ATG9A: variants seen among roughly 807,000 people sequenced by gnomAD.
ATG9A encodes autophagy-related protein 9A.
Under a neutral mutation model 87.1 loss-of-function variants are expected in ATG9A, and 21 were observed. The ratio of observed to expected loss-of-function variants is 0.24; its 90% confidence interval spans 0.17 to 0.35. The LOEUF (loss-of-function observed/expected upper bound fraction) is 0.35. ATG9A is among the 10% of genes least tolerant of loss of function. ATG9A has a pLI of 1.00. For synonymous variants in ATG9A, 422 were observed against 441.3 expected (o/e 0.96, Z 0.55); for missense variants, 836 against 1,107.3 (o/e 0.76, Z 3.48).
At position 219,219,499 on chromosome 2, in the gene ATG9A, A is replaced by C. The variant is rs1950709074; in HGVS notation, c.*948T>G. 1 of 152,724 alleles carries C rather than the reference A, an allele frequency of 6.5e-6. No homozygotes were observed. Among genetic ancestry groups the C allele is most frequent in the African/African-American group, 2.4e-5 (1 of 41,462 alleles). 9.5% of individuals were successfully genotyped at this position (152,724 alleles called of 1,614,324 possible). Reference sequence around the variant, plus strand: ...CCCAAAGCCGGACCACAGCTGGGTGAGGGGTGGGACAGAGAGTAGGAGCAG... The same window carrying C: ...CCCAAAGCCGGACCACAGCTGGGTGCGGGGTGGGACAGAGAGTAGGAGCAG... On this transcript the variant is annotated 3_prime_UTR_variant, in exon 16 of 16. Transcript: ENST00000361242.
intron 13 of ATG9A, 66 bp from the exon 14 acceptor site, chr2:219,221,368 A>G: frequency 7.0e-7 from 1 of 1,420,902 alleles, no homozygotes; most frequent in South Asian, 1.5e-5. Flanking sequence ...CTGCCCTCCA[A>G]CCTGGTATCA....
chr2:219,226,895 C>G lies in ATG9A; in HGVS notation c.186G>C (p.Met62Ile). 2 of 1,613,724 alleles carry G rather than the reference C, an allele frequency of 1.2e-6. No homozygotes were observed. Among genetic ancestry groups the G allele is most frequent in the Non-Finnish European group, 1.7e-6 (2 of 1,179,564 alleles). ...NLHQKNGFTC[M>I]LIGEIFELMQ... ...TGAGCTCAAAGATCTCCCCGATGAG[C>G]ATACATGTGAAGCCATTCTTCTGGT... Residue 62 changes from methionine to isoleucine, a missense_variant, in exon 5 of 16, where the codon ATG becomes ATC. Met to Ile is a conservative substitution (Grantham distance 10). Transcript: ENST00000361242.
At position 219,223,495 on chromosome 2, in the gene ATG9A, C is replaced by G; in HGVS notation, c.1599+90G>C. The G allele has an allele frequency of 7.0e-7, 1 of 1,423,674 alleles. No homozygotes were observed. The highest frequency in any genetic ancestry group is 9.4e-7 in the Non-Finnish European group (1 of 1,060,434). 88.2% of individuals were successfully genotyped at this position (1,423,674 alleles called of 1,614,324 possible). ...CTGGTATAGGACTGCCTTTGTGTGA[C>G]TCAGGAGAGGTGTCTTTTTGCGGTT... is the stretch of plus-strand genomic sequence containing the variant. On this transcript the variant is annotated intron_variant, in intron 10 of 15. Transcript: ENST00000361242. This position sits in a 1 kb window ranked among gnomAD's most constrained non-coding sequence, Gnocchi z 4.7.
In ATG9A at chr2:219,227,965, TG is replaced by T; in HGVS notation, c.59del (p.Pro20GlnfsTer79). ...CGTGCACCAACAGGTCCTCCTCCCC[TG>T]GGGGTGAATCACTATAGGAGGCCTC... Reference protein sequence around the residue: ...RLEASYSDSPPGEEDLLVHVA... With the variant: ...RLEASYSDSPXGEEDLLVHVA... On this transcript the variant is annotated frameshift_variant, in exon 3 of 16. Transcript: ENST00000361242. LOFTEE classifies it high-confidence loss of function. 1 of 1,614,128 alleles carries T rather than the reference TG, an allele frequency of 6.2e-7. No individual in the cohort carries two copies. The highest frequency in any genetic ancestry group is 1.1e-5 in the South Asian group (1 of 91,078).
Position 219,222,060 on chromosome 2 carries a change from T to A in ATG9A, c.2135A>T (p.Tyr712Phe). Reference sequence around the variant, plus strand: ...TAGCTGTGCACTCACCTGGTGCATATAGAGGGCATGCAGGCTCATCTCTGT... The same window carrying A: ...TAGCTGTGCACTCACCTGGTGCATAAAGAGGGCATGCAGGCTCATCTCTGT... ...ASTEMSLHAL[Y>F]MHQLHKQQAQ... The change falls in exon 13 of 16, where the codon TAT (tyrosine) becomes TTT (phenylalanine). Residue 712 changes from tyrosine (Y) to phenylalanine (F), a missense_variant. By Grantham distance (22) the Tyr-to-Phe change is conservative (BLOSUM62 3). Around this residue, in one of 2 missense-constraint regions of ATG9A, gnomAD observed 324 missense variants for 347.6 expected, o/e 0.93. Transcript: ENST00000361242. The surrounding 1 kb of genome is among the most constrained non-coding windows in gnomAD (Gnocchi z 4.3). The A allele has an allele frequency of 6.2e-7, 1 of 1,613,862 alleles. No homozygotes were observed. The highest frequency in any genetic ancestry group is 8.5e-7 in the Non-Finnish European group (1 of 1,179,914).
intron 6 of ATG9A, 76 bp from the exon 7 acceptor site, chr2:219,225,288 T>G: frequency 6.2e-7 from 1 of 1,605,666 alleles, no homozygotes; most frequent in African/African-American, 1.3e-5. Flanking sequence ...TATCCTGAAG[T>G]ATTTTTGCTA....
rs990649513 is a variant in ATG9A at position 219,220,078 on chromosome 2, G to A, written c.*369C>T. ...CCAGGCCCAACCTCCCCACTCCACA[G>A]TTGGCACAGGTTCTCCCTGCTTGGC... On this transcript the variant is annotated 3_prime_UTR_variant, in exon 16 of 16. Coordinates refer to ENST00000361242, the MANE Select transcript of ATG9A (RefSeq NM_001077198.3). 3 of 279,150 alleles carry A rather than the reference G, an allele frequency of 1.1e-5. No homozygotes were observed. The highest frequency in any genetic ancestry group is 1.1e-3 in the Middle Eastern group (1 of 914). 17.3% of individuals were successfully genotyped at this position (279,150 alleles called of 1,614,324 possible).
Position 219,222,012 on chromosome 2 carries a change from T to C in ATG9A, c.2145+38A>G, listed in dbSNP as rs1274683464. 1.3e-6 allele frequency: 2 copies of C among 1,582,854 alleles called. No homozygotes were observed. The highest frequency in any genetic ancestry group is 1.7e-6 in the Non-Finnish European group (2 of 1,157,998). On this transcript the variant is annotated intron_variant, in intron 13 of 15. Transcript: ENST00000361242. The surrounding 1 kb of genome is among the most constrained non-coding windows in gnomAD (Gnocchi z 4.3). ...GGAACCCCGGTCTTGCTTCTCCGCA[T>C]CTAAACCCTCTACTCTCTTTTTTAG... is the stretch of plus-strand genomic sequence containing the variant.
At position 219,228,561 on chromosome 2, in the gene ATG9A, A is replaced by T. The variant is rs181874935; in HGVS notation, c.-81-76T>A. ...GAACCCAACCCTCCCAGCCATCCAC[A>T]CCCCACCAAGAGGAGGCCAAGCATG... On this transcript the variant is annotated intron_variant, in intron 1 of 15. Coordinates refer to ENST00000361242, the MANE Select transcript of ATG9A (RefSeq NM_001077198.3). The T allele has an allele frequency of 3.5e-3, 529 of 152,840 alleles. 4 individuals carry two copies. Among genetic ancestry groups the T allele is most frequent in the Non-Finnish European group, 5.8e-3 (398 of 68,228 alleles). The allele number at this position is 152,840 out of a possible 1,614,324, so 9.5% of individuals were successfully genotyped here.
In ATG9A at chr2:219,224,785, T is replaced by C; in HGVS notation, c.586A>G (p.Ile196Val). ...RIVQTQKEHQ[I>V]CIHKRELTEL... The stretch of plus-strand genomic sequence containing the variant: ...GTCAGCTCACGTTTGTGGATGCAGA[T>C]CTGGTGCTCCTTCTGCGTCTGCACG... Residue 196 changes from isoleucine (I) to valine (V), a missense_variant, in exon 8 of 16, where the codon ATC becomes GTC. Ile to Val is a conservative substitution (Grantham distance 29). Transcript: ENST00000361242. The surrounding 1 kb of genome is among the most constrained non-coding windows in gnomAD (Gnocchi z 7.7). 1.2e-6 allele frequency: 2 copies of C among 1,614,176 alleles called. No homozygotes were observed. The highest frequency in any genetic ancestry group is 1.7e-6 in the Non-Finnish European group (2 of 1,180,026).
chr2:219,229,124 T>C lies in ATG9A; in HGVS notation c.-82+411A>G, dbSNP rs1380377982. On this transcript the variant is annotated intron_variant, in intron 1 of 15. Coordinates refer to ENST00000361242, the MANE Select transcript of ATG9A (RefSeq NM_001077198.3). This position sits in a 1 kb window ranked among gnomAD's most constrained non-coding sequence, Gnocchi z 4.2. Reference sequence around the variant, plus strand: ...GAAGTCACCACTCACAGGGTCAGTGTGGACCAGGGCCCGTGGAGCCCCGGC... The same window carrying C: ...GAAGTCACCACTCACAGGGTCAGTGCGGACCAGGGCCCGTGGAGCCCCGGC... The C allele has an allele frequency of 1.3e-5, 2 of 152,184 alleles. No homozygotes were observed. The highest frequency in any genetic ancestry group is 3.9e-4 in the East Asian group (2 of 5,164). The allele number at this position is 152,184 out of a possible 1,614,324, so 9.4% of individuals were successfully genotyped here. A position where few individuals can be genotyped will look rare whatever the true frequency, so the allele number is the denominator to read the frequency against.
At chr2:219,226,713 G>A (rs975105737) in intron 5 of ATG9A, among the ~76,000 whole-genome samples, 156 bp downstream of exon 5, 2 of 152,130 alleles carry the variant, frequency 1.3e-5, no homozygotes, top group African/African-American at 2.4e-5. Flanking sequence ...GAAGCTGTAA[G>A]TTTTGGTGCC....
At chr2:219,226,811 G>C (rs1426956521) in intron 5 of ATG9A, 58 bp downstream of exon 5, 27 of 1,511,000 alleles carry the variant, frequency 1.8e-5, no homozygotes, top group Non-Finnish European at 2.3e-5. Flanking sequence ...TGAGTGCAAG[G>C]AGAGGAAAGA....
intron 2 of ATG9A, 60 bp from the exon 3 acceptor site, chr2:219,228,113 C>G: frequency 1.0e-5 from 12 of 1,188,220 alleles, no homozygotes; most frequent in Non-Finnish European, 1.4e-5. Flanking sequence ...CATGGGCTGC[C>G]CTGCCTACTG....
chr2:219,225,594 G>A (rs1950844857), intron 5 of ATG9A, 22 bp from the exon 6 acceptor site: 1 of 1,611,846 alleles, frequency 6.2e-7, no homozygotes, highest in Non-Finnish European at 8.5e-7. Flanking sequence ...GGAAGAAGGG[G>A]TGCAGTCTGA....
chr2:219,228,538 A>C (rs1950917968), intron 1 of ATG9A, 53 bp from the exon 2 acceptor site: 1 of 153,178 alleles, frequency 6.5e-6, no homozygotes, highest in African/African-American at 2.4e-5. Context: ...ATAAAAAGGA[A>C]CCCAACCCTC....
At chr2:219,228,777 C>G (rs1383682390) in intron 1 of ATG9A, 2 of 152,274 alleles carry the variant, frequency 1.3e-5, no homozygotes, top group African/African-American at 4.8e-5. Context: ...CATTGCCCTA[C>G]CTTAGCCTCA....
Position 219,220,302 on chromosome 2 carries a change from A to G in ATG9A, c.*145T>C, listed in dbSNP as rs1011636134. ...GGGCTGTGGCAAGCCCAGTGTTGGC[A>G]CCTCCCTTGGCCAGGCACAGACACA... On this transcript the variant is annotated 3_prime_UTR_variant, in exon 16 of 16. Transcript: ENST00000361242. 1.8e-6 allele frequency: 2 copies of G among 1,118,426 alleles called. No individual in the cohort carries two copies. Among genetic ancestry groups the G allele is most frequent in the Non-Finnish European group, 2.6e-6 (2 of 781,520 alleles). The allele number at this position is 1,118,426 out of a possible 1,614,324, so 69.3% of individuals were successfully genotyped here. A position where few individuals can be genotyped will look rare whatever the true frequency, so the allele number is the denominator to read the frequency against.
At position 219,221,066 on chromosome 2, in the gene ATG9A, C is replaced by A; in HGVS notation, c.2368+14G>T. ...CCTGCAGCCTCTGTTTCCTCCTATA[C>A]CCCCACTGGATACCTGTGATGCCAC... On this transcript the variant is annotated intron_variant, in intron 14 of 15. Coordinates refer to ENST00000361242, the MANE Select transcript of ATG9A (RefSeq NM_001077198.3). The A allele has an allele frequency of 6.2e-7, 1 of 1,611,602 alleles. No homozygotes were observed. Among genetic ancestry groups the A allele is most frequent in the East Asian group, 2.2e-5 (1 of 44,834 alleles).
Sources: allele counts gnomAD v4.1 joint callset (sites outside exome capture counted in the v4.1 genomes callset), GRCh38; gene constraint gnomAD v4.1.1; regional missense constraint gnomAD v4.1.1; non-coding constraint Gnocchi (gnomAD v3.1); transcripts MANE v1.5; gene names NCBI Gene and HGNC (gene_info 2026-07-23, HGNC 2026-07-21).